The following RHOBTB1 variants were observed in gnomAD, a reference collection of about 807,000 sequenced individuals.
RHOBTB1 encodes the protein Rho related BTB domain containing 1, also known as rho-related BTB domain-containing protein 1.
Under a neutral mutation model 71.6 loss-of-function variants are expected in RHOBTB1, and 40 were observed. The ratio of observed to expected loss-of-function variants is 0.56; its 90% CI spans 0.43 to 0.73. RHOBTB1 has a LOEUF of 0.73. RHOBTB1 is among the 30% of genes least tolerant of loss of function. The pLI is 0.00. For synonymous variants in RHOBTB1, 319 were observed against 334.9 expected (o/e 0.95, Z 0.52); for missense variants, 797 against 894.0 (o/e 0.89, Z 1.38).
intron 1 of RHOBTB1, among the ~76,000 whole-genome samples, chr10:60,943,252 T>C (rs1201073016): frequency 6.6e-6 from 1 of 152,244 alleles, no homozygotes; most frequent in East Asian, 1.9e-4. Context: ...AGATGTTTGA[T>C]ACTGCTGGGG....
At chr10:60,899,497 G>A (rs897340180) in intron 4 of RHOBTB1, among the ~76,000 whole-genome samples, 4 of 152,164 alleles carry the variant, frequency 2.6e-5, no homozygotes, top group South Asian at 2.1e-4. Context: ...TAACCTCCCC[G>A]ACTCTTCTGA....
chr10:60,888,359 C>T lies in RHOBTB1; in HGVS notation c.1309G>A (p.Ala437Thr), dbSNP rs763301456. 13 of 1,614,156 alleles carry T rather than the reference C, an allele frequency of 8.1e-6. No individual in the cohort carries two copies. In the East Asian group the frequency reaches 2.0e-4, roughly 25 times the overall value. Residue 437 changes from alanine (A) to threonine (T), a missense_variant, in exon 6 of 11, where the codon GCA (alanine) becomes ACA (threonine). Physicochemically the swap from Ala to Thr is moderately conservative, Grantham distance 58 (BLOSUM62 0). Transcript: ENST00000337910. ...AAATCGAACATCTCGAGGACCTCTG[C>T]GATCTGAGCCAGGCCCACCAAATCC... Reference protein sequence around the residue: ...EKDLVGLAQIAEVLEMFDLRM... With the variant: ...EKDLVGLAQITEVLEMFDLRM...
rs534689493 is a variant in RHOBTB1 at position 60,917,832 on chromosome 10, C to T, written c.-10-6280G>A. On this transcript the variant is annotated intron_variant, in intron 2 of 10. Transcript: ENST00000337910. ...CCATTCCTTGTCTGTCTTGCAAATT[C>T]TAGTCATTCCTTAAAACCTTACTCA... Among the ~76,000 whole-genome samples, 7 of 152,294 alleles carry T rather than the reference C, an allele frequency of 4.6e-5. No homozygotes were observed. In the South Asian group the frequency reaches 1.4e-3, roughly 32 times the overall value.
At chr10:60,997,064 TACAC>T (rs3049452) in intron 1 of RHOBTB1, among the ~76,000 whole-genome samples, 13,980 of 144,704 alleles carry the variant, frequency 0.097, 1,041 homozygotes, top group African/African-American at 0.21. Flanking sequence ...CATGGTTATG[TACAC>T]ACACACACAC....
chr10:60,899,469 A>G (rs1225257699), intron 4 of RHOBTB1, among the ~76,000 whole-genome samples: 1 of 152,212 alleles, frequency 6.6e-6, no homozygotes, highest in African/African-American at 2.4e-5. Flanking sequence ...ACCGCGCTAC[A>G]TGGGAGGTCT....
chr10:60,979,597 A>C (rs2086427232), intron 2 of RHOBTB1, among the ~76,000 whole-genome samples: 1 of 152,206 alleles, frequency 6.6e-6, no homozygotes. Flanking sequence ...AATACCAGGC[A>C]CTGGAGTACA....
intron 2 of RHOBTB1, among the ~76,000 whole-genome samples, chr10:60,932,500 T>C (rs1322981920): frequency 7.8e-6 from 1 of 127,526 alleles, no homozygotes; most frequent in Non-Finnish European, 1.6e-5. Flanking sequence ...TATACTTCAA[T>C]ACTTTCTTAA....
intron 1 of RHOBTB1, among the ~76,000 whole-genome samples, chr10:60,990,996 T>G (rs2086844534): frequency 6.6e-6 from 1 of 152,320 alleles, no homozygotes; most frequent in Admixed American, 6.5e-5. Context: ...TGACACTTCC[T>G]CATGGGGTGC....
At chr10:60,899,362 T>C (rs948900491) in intron 4 of RHOBTB1, among the ~76,000 whole-genome samples, 2 of 152,238 alleles carry the variant, frequency 1.3e-5, no homozygotes, top group African/African-American at 2.4e-5. Flanking sequence ...CTCTTTGGCA[T>C]TCCCTGAAGC....
At chr10:60,939,126 G>A (rs1027080280) in intron 2 of RHOBTB1, among the ~76,000 whole-genome samples, 14 of 152,220 alleles carry the variant, frequency 9.2e-5, no homozygotes, top group African/African-American at 2.6e-4. Context: ...TATTGGCATC[G>A]CTTTCTTTGT....
At chr10:60,886,582 G>A (rs189805306) in intron 6 of RHOBTB1, among the ~76,000 whole-genome samples, 1 of 152,014 alleles carries the variant, frequency 6.6e-6, no homozygotes, top group Non-Finnish European at 1.5e-5. Context: ...TAACATTTTG[G>A]CATGTTTGTT....
chr10:60,961,802 C>A (rs1363107454), intron 2 of RHOBTB1, among the ~76,000 whole-genome samples: 1 of 133,218 alleles, frequency 7.5e-6, no homozygotes, highest in Non-Finnish European at 1.5e-5. Flanking sequence ...TGATTTATAA[C>A]CTTTTTTTGT....
At chr10:60,893,715 T>C (rs2082033227) in intron 4 of RHOBTB1, among the ~76,000 whole-genome samples, 1 of 152,150 alleles carries the variant, frequency 6.6e-6, no homozygotes, top group Admixed American at 6.5e-5. Context: ...ACAAAGCAGG[T>C]ATATGGGGAA....
At chr10:60,918,907 T>C (rs1400480581) in intron 2 of RHOBTB1, among the ~76,000 whole-genome samples, 3 of 152,122 alleles carry the variant, frequency 2.0e-5, no homozygotes, top group Non-Finnish European at 4.4e-5. Context: ...CCATCAGGCC[T>C]GGCTACTTTT....
chr10:60,886,198 T>C lies in RHOBTB1; in HGVS notation c.1489A>G (p.Ser497Gly). 1 of 1,614,092 alleles carries C rather than the reference T, an allele frequency of 6.2e-7. No homozygotes were observed. The highest frequency in any genetic ancestry group is 8.5e-7 in the Non-Finnish European group (1 of 1,179,960). The change falls in exon 7 of 11, where the codon AGT becomes GGT. Residue 497 changes from serine to glycine, a missense_variant. Ser to Gly is a moderately conservative substitution (Grantham distance 56, BLOSUM62 0). Transcript: ENST00000337910. ...CAGATCAGCAGCGGCTTGTGGGCAC[T>C]GATGGCTCCATCGTCCAATTTAAAT... ...VTFKLDDGAI[S>G]AHKPLLICSC...
intron 1 of RHOBTB1, among the ~76,000 whole-genome samples, chr10:60,994,968 G>A (rs954521924): frequency 3.3e-5 from 5 of 151,492 alleles, no homozygotes; most frequent in African/African-American, 1.2e-4. Context: ...TGAAAGATGC[G>A]GCTAAAAATT....
At chr10:60,896,109 T>C (rs1489042236) in intron 4 of RHOBTB1, among the ~76,000 whole-genome samples, 3 of 152,232 alleles carry the variant, frequency 2.0e-5, no homozygotes, top group Non-Finnish European at 4.4e-5. Flanking sequence ...GCTAAGAATA[T>C]CTCCAGCTTT....
At position 60,938,942 on chromosome 10, in the gene RHOBTB1, G is replaced by A. The variant is rs780924052; in HGVS notation, c.-11+2862C>T. On this transcript the variant is annotated intron_variant, in intron 2 of 10. Coordinates refer to ENST00000337910, the MANE Select transcript of RHOBTB1 (RefSeq NM_014836.5). Reference sequence around the variant, plus strand: ...ATGCTAGTTTATTGTTATCACAGCAGTCATTAGGAGTTTGGTCTACAGTTG... The same window carrying A: ...ATGCTAGTTTATTGTTATCACAGCAATCATTAGGAGTTTGGTCTACAGTTG... Among the ~76,000 whole-genome samples, 120 of 152,074 alleles carry A rather than the reference G, an allele frequency of 7.9e-4. 1 individual carries two copies. The highest frequency in any genetic ancestry group is 2.1e-4 in the Non-Finnish European group (14 of 68,024).
At chr10:60,862,795 T>C in the RHOBTB1 span, among the ~76,000 whole-genome samples, 1 of 150,804 alleles carries the variant, frequency 6.6e-6, no homozygotes, top group Non-Finnish European at 1.5e-5. Context: ...TTTCTTCCTT[T>C]CTTTCTTTTC....
Sources: allele counts gnomAD v4.1 joint callset (sites outside exome capture counted in the v4.1 genomes callset), GRCh38; gene constraint gnomAD v4.1.1; transcripts MANE v1.5; gene names NCBI Gene and HGNC (gene_info 2026-07-23, HGNC 2026-07-21).